ABCG5: variants seen among roughly 807,000 people sequenced by gnomAD.
ABCG5 encodes ATP binding cassette subfamily G member 5, also known as ATP-binding cassette sub-family G member 5.
A neutral mutation model predicts 64.5 loss-of-function variants in ABCG5; 64 were observed. The observed-to-expected ratio is 0.99, with a 90% CI of 0.81 to 1.22. The LOEUF (loss-of-function observed/expected upper bound fraction) is 1.22. Ranked by LOEUF, ABCG5 falls within the 50% of genes most tolerant of loss-of-function variation. The probability of loss-of-function intolerance (pLI) is 0.00; values close to 1 mark genes in which losing one functional copy is unlikely to be tolerated. For synonymous variants in ABCG5, 385 were observed against 326.3 expected (o/e 1.18, Z -1.94); for missense variants, 908 against 829.5 (o/e 1.09, Z -1.16).
At chr2:43,836,160 C>T (rs1668250747) in intron 2 of ABCG5, among the ~76,000 whole-genome samples, 1 of 151,958 alleles carries the variant, frequency 6.6e-6, no homozygotes, top group African/African-American at 2.4e-5. Flanking sequence ...AGGCTGGTCT[C>T]GAATTCCTGA....
chr2:43,828,153 C>T, intron 4 of ABCG5, 38 bp from the exon 5 acceptor site: 1 of 1,613,130 alleles, frequency 6.2e-7, no homozygotes, highest in Non-Finnish European at 8.5e-7. Context: ...CTGGGAGTCT[C>T]TGTGGCTGCT....
chr2:43,825,036 G>T lies in ABCG5; in HGVS notation c.775-18C>A. 6 of 1,612,748 alleles carry T rather than the reference G, an allele frequency of 3.7e-6. No homozygotes were observed. Among genetic ancestry groups the T allele is most frequent in the Non-Finnish European group, 5.1e-6 (6 of 1,179,322 alleles). ...TCAAAGAGCTGACCAGACAACAGAC[G>T]TAGTTAGTGTGTGATCACAAGGGTA... On this transcript the variant is annotated intron_variant, in intron 6 of 12. Coordinates refer to ENST00000405322, the MANE Select transcript of ABCG5 (RefSeq NM_022436.3).
intron 4 of ABCG5, among the ~76,000 whole-genome samples, chr2:43,830,927 C>T (rs1293114249): frequency 6.6e-6 from 1 of 152,188 alleles, no homozygotes; most frequent in African/African-American, 2.4e-5. Context: ...TTGGATGAGG[C>T]ACATTCAAGA....
At chr2:43,809,173 G>A (rs1186107964), downstream of ABCG5, among the ~76,000 whole-genome samples, 1 of 152,048 alleles carries the variant, frequency 6.6e-6, no homozygotes, top group Non-Finnish European at 1.5e-5. Flanking sequence ...CTCAGTTTTT[G>A]TAGAGACACG....
Position 43,838,716 on chromosome 2 carries a change from G to T in ABCG5, c.-37C>A. ...AGCAAAGCTGGGCAAATTTTCTGGT[G>T]GCCGGACCCTCCCCAGAGTGGCTTC... On this transcript the variant is annotated 5_prime_UTR_variant, in exon 1 of 13. Coordinates refer to ENST00000405322, the MANE Select transcript of ABCG5 (RefSeq NM_022436.3). The surrounding 1 kb of genome is among the most constrained non-coding windows in gnomAD (Gnocchi z 4.2). The T allele has an allele frequency of 6.2e-7, 1 of 1,609,696 alleles. No homozygotes were observed. The highest frequency in any genetic ancestry group is 8.5e-7 in the Non-Finnish European group (1 of 1,178,394).
chr2:43,823,742 T>C (rs879403014), intron 9 of ABCG5, among the ~76,000 whole-genome samples, 171 bp downstream of exon 9: 11 of 152,198 alleles, frequency 7.2e-5, no homozygotes, highest in Admixed American at 2.6e-4. Context: ...AGCTCATTCA[T>C]ATTAACGTGT....
At chr2:43,806,488 G>A in the ABCG5 span, among the ~76,000 whole-genome samples, 3 of 152,244 alleles carry the variant, frequency 2.0e-5, no homozygotes, top group East Asian at 5.8e-4. Context: ...AATATTTAGA[G>A]GTTTTATAGC....
rs746632134 is a variant in ABCG5, at chr2:43,824,224, G to A, written c.1113C>T (p.Leu371=). ...CACATTTGTGAGCCTCTTACCTCAG[G>A]AGAACACCCAGTTTAGAGAAAACTC... is the stretch of plus-strand genomic sequence containing the variant. ...SPGVFSKLGV[L]LRRVTRNLVR... Residue 371 remains leucine, a synonymous_variant, in exon 8 of 13, where the codon CTC becomes CTT. Transcript: ENST00000405322. 3.1e-6 allele frequency: 5 copies of A among 1,614,166 alleles called. No homozygotes were observed. In the South Asian group the frequency reaches 5.5e-5, roughly 18 times the overall value.
intron 4 of ABCG5, 120 bp downstream of exon 4, chr2:43,831,649 T>C: frequency 9.6e-7 from 1 of 1,041,914 alleles, no homozygotes; most frequent in Non-Finnish European, 1.4e-6. Context: ...CAGGGCGCGC[T>C]CTAGAGTGAA....
At chr2:43,822,036 T>C (rs1025532470) in intron 10 of ABCG5, among the ~76,000 whole-genome samples, 8 of 152,190 alleles carry the variant, frequency 5.3e-5, no homozygotes, top group African/African-American at 1.9e-4. Context: ...ACTCTCAATC[T>C]GATGTTTTTT....
intron 11 of ABCG5, among the ~76,000 whole-genome samples, chr2:43,816,449 A>G (rs1366435688): frequency 1.3e-5 from 2 of 152,196 alleles, no homozygotes; most frequent in East Asian, 3.8e-4. Context: ...AGAGAAATGG[A>G]TCAGTGAAAG....
Position 43,838,803 on chromosome 2 carries a change from C to T in ABCG5, c.-124G>A. 2 of 1,533,004 alleles carry T rather than the reference C, an allele frequency of 1.3e-6. No homozygotes were observed. The highest frequency in any genetic ancestry group is 1.8e-6 in the Non-Finnish European group (2 of 1,133,140). The allele number at this position is 1,533,004 out of a possible 1,614,324, so 95.0% of individuals were successfully genotyped here. On this transcript the variant is annotated 5_prime_UTR_variant, in exon 1 of 13. Transcript: ENST00000405322. The surrounding 1 kb of genome is among the most constrained non-coding windows in gnomAD (Gnocchi z 4.2). ...CACCTGACCCCGGAGTCCCTTGGGA[C>T]AGCAGGACTGGGACTTGGCCACGGA...
chr2:43,834,509 T>A (rs927346617), intron 2 of ABCG5, among the ~76,000 whole-genome samples: 1 of 152,250 alleles, frequency 6.6e-6, no homozygotes, highest in Non-Finnish European at 1.5e-5. Flanking sequence ...TGGGATACTT[T>A]TTTTTTTATA....
At chr2:43,813,949 C>A (rs568031240) in intron 12 of ABCG5, among the ~76,000 whole-genome samples, 1 of 151,980 alleles carries the variant, frequency 6.6e-6, no homozygotes, top group African/African-American at 2.4e-5. Context: ...GAACTCTTGA[C>A]CTCAAGTGAT....
At chr2:43,837,645 G>T (rs10495909) in intron 2 of ABCG5, among the ~76,000 whole-genome samples, 189 bp downstream of exon 2, 1 of 152,212 alleles carries the variant, frequency 6.6e-6, no homozygotes, top group Admixed American at 6.5e-5. Flanking sequence ...ATGTTAGGCA[G>T]AATTTTATAC....
chr2:43,820,111 A>G lies in ABCG5; in HGVS notation c.1464-11T>C, dbSNP rs1667091319. On this transcript the variant is annotated splice_polypyrimidine_tract_variant and intron_variant, in intron 10 of 12. Coordinates refer to ENST00000405322, the MANE Select transcript of ABCG5 (RefSeq NM_022436.3). ...TGTAAGCCCAGCGTCCTAGAAAAGCATAAGCTCTTTAGTTTCCTCTCCAAG... is the reference window on the plus strand; with the variant it reads ...TGTAAGCCCAGCGTCCTAGAAAAGCGTAAGCTCTTTAGTTTCCTCTCCAAG... 1.2e-6 allele frequency: 2 copies of G among 1,612,472 alleles called. No individual in the cohort carries two copies. The highest frequency in any genetic ancestry group is 1.3e-5 in the African/African-American group (1 of 75,030).
At chr2:43,825,464 A>G (rs1021535240) in intron 6 of ABCG5, among the ~76,000 whole-genome samples, 2 of 152,218 alleles carry the variant, frequency 1.3e-5, no homozygotes, top group African/African-American at 4.8e-5. Context: ...GGGCGGAGAA[A>G]GTGAGTTTTT....
At chr2:43,831,272 A>G (rs965130424) in intron 4 of ABCG5, among the ~76,000 whole-genome samples, 2 of 152,166 alleles carry the variant, frequency 1.3e-5, no homozygotes, top group African/African-American at 2.4e-5. Flanking sequence ...TCCTGGGTTC[A>G]AGAGATCCTC....
chr2:43,807,767 A>C (rs1272097790), downstream of ABCG5, among the ~76,000 whole-genome samples: 1 of 150,272 alleles, frequency 6.7e-6, no homozygotes, highest in African/African-American at 2.5e-5. Flanking sequence ...AAAAAAAAAA[A>C]AAAAAAGGTT....
Sources: allele counts gnomAD v4.1 joint callset (sites outside exome capture counted in the v4.1 genomes callset), GRCh38; gene constraint gnomAD v4.1.1; non-coding constraint Gnocchi (gnomAD v3.1); transcripts MANE v1.5; gene names NCBI Gene and HGNC (gene_info 2026-07-23, HGNC 2026-07-21).